Variants in KLF8 observed in about 807,000 individuals in gnomAD.
The protein encoded by KLF8 is KLF transcription factor 8, also known as Krueppel-like factor 8.
KLF8 carries 10 observed loss-of-function variants against 18.2 expected under a neutral mutation model. The observed-to-expected ratio is 0.55, with a 90% CI of 0.34 to 0.93. The LOEUF is 0.93. Among genes scored for constraint, KLF8 ranks in the 40% least tolerant of loss-of-function variants. The probability of loss-of-function intolerance (pLI) is 0.02; values close to 1 mark genes in which losing one functional copy is unlikely to be tolerated. For missense variants in KLF8, 264 were observed against 277.9 expected (o/e 0.95, Z 0.36); for synonymous variants, 109 against 97.3 (o/e 1.12, Z -0.71).
At chrX:55,942,472 A>G in the KLF8 span, among the ~76,000 whole-genome samples, 2 of 110,531 alleles carry the variant, frequency 1.8e-5, no homozygotes, top group Admixed American at 9.7e-5. Context: ...TACATATATA[A>G]CAAATCTGTA....
chrX:56,141,127 C>T, the KLF8 span, among the ~76,000 whole-genome samples: 1 of 111,367 alleles, frequency 9.0e-6, no homozygotes, highest in African/African-American at 3.3e-5. Context: ...CTACACCAGG[C>T]TAATTTTTTT....
At chrX:56,026,521 G>A in the KLF8 span, among the ~76,000 whole-genome samples, 2 of 111,738 alleles carry the variant, frequency 1.8e-5, no homozygotes, top group Non-Finnish European at 3.8e-5. Context: ...ACCATAGGAA[G>A]GGCCTGTATC....
the KLF8 span, among the ~76,000 whole-genome samples, chrX:56,095,931 A>G: frequency 8.9e-6 from 1 of 111,953 alleles, no homozygotes; most frequent in African/African-American, 3.2e-5. Flanking sequence ...TATTCTATTC[A>G]GCAATCACAT....
At chrX:56,186,396 A>G in the KLF8 span, among the ~76,000 whole-genome samples, 1 of 111,602 alleles carries the variant, frequency 9.0e-6, no homozygotes, top group African/African-American at 3.3e-5. Context: ...GTGACCTACA[A>G]AGAGACTTAG....
rs749373892 is a variant in KLF8, at chrX:56,265,442, C to T, written c.344C>T (p.Ser115Phe). The T allele has an allele frequency of 8.3e-7, 1 of 1,211,897 alleles. No homozygotes were observed. The highest frequency in any genetic ancestry group is 1.8e-5 in the South Asian group (1 of 56,994). ...CCAATACGTCCCCCCAAGCCACAGT[C>T]TTCTCCCCAGACCCTTGTGGTGTCC... ...QAPIRPPKPQ[S>F]SPQTLVVSTS... Residue 115 changes from serine (S) to phenylalanine (F), a missense_variant, in exon 3 of 6, where the codon TCT becomes TTT. Around this residue, in one of 2 missense-constraint regions of KLF8, gnomAD observed 221 missense variants for 193.6 expected, o/e 1.14. Coordinates refer to ENST00000468660, the MANE Select transcript of KLF8 (RefSeq NM_007250.5).
the KLF8 span, among the ~76,000 whole-genome samples, chrX:56,053,574 C>T: frequency 2.4e-5 from 2 of 84,213 alleles, no homozygotes; most frequent in Admixed American, 1.4e-4. Flanking sequence ...TAGTTTCAGC[C>T]GGAATGATAC....
the KLF8 span, among the ~76,000 whole-genome samples, chrX:55,944,358 G>A: frequency 1.0e-4 from 11 of 110,501 alleles, no homozygotes; most frequent in South Asian, 4.3e-3. Context: ...AATGAGTTAG[G>A]GAGGATTCCC....
At chrX:56,089,648 A>G in the KLF8 span, among the ~76,000 whole-genome samples, 77 of 112,522 alleles carry the variant, frequency 6.8e-4, 3 homozygotes, top group South Asian at 0.027. Flanking sequence ...ACAGGTGAAT[A>G]CAGAGAACCA....
the KLF8 span, among the ~76,000 whole-genome samples, chrX:55,979,145 C>T: frequency 8.9e-6 from 1 of 111,800 alleles, no homozygotes; most frequent in Non-Finnish European, 1.9e-5. Flanking sequence ...TTACTTTGGG[C>T]AGTTTCAGTT....
At chrX:56,092,748 T>C in the KLF8 span, among the ~76,000 whole-genome samples, 1 of 109,412 alleles carries the variant, frequency 9.1e-6, no homozygotes, top group African/African-American at 3.3e-5. Context: ...ATTGCTTTGG[T>C]TTAAGATAGC....
chrX:56,068,728 G>A, the KLF8 span, among the ~76,000 whole-genome samples: 1 of 111,554 alleles, frequency 9.0e-6, no homozygotes. Flanking sequence ...AGCCAGGCAA[G>A]CAATGCATGC....
At chrX:56,027,777 T>G in the KLF8 span, among the ~76,000 whole-genome samples, 1 of 112,752 alleles carries the variant, frequency 8.9e-6, no homozygotes, top group African/African-American at 3.2e-5. Context: ...TACACAGTTG[T>G]GTTCAACAGG....
At chrX:56,126,811 G>A in the KLF8 span, among the ~76,000 whole-genome samples, 3 of 96,964 alleles carry the variant, frequency 3.1e-5, no homozygotes, top group Admixed American at 2.4e-4. Flanking sequence ...GGAGTGCAAT[G>A]GCACGATCTT....
the KLF8 span, among the ~76,000 whole-genome samples, chrX:55,972,000 CTCCATAAAA>C: frequency 1.2e-4 from 13 of 110,281 alleles, no homozygotes; most frequent in African/African-American, 4.3e-4. Flanking sequence ...CCATTTGGTT[CTCCATAAAA>C]TCCATAAAAT....
chrX:56,004,519 T>C, the KLF8 span, among the ~76,000 whole-genome samples: 36 of 112,135 alleles, frequency 3.2e-4, 1 homozygote, highest in East Asian at 9.8e-3. Context: ...TCTGGAACTT[T>C]ATATGAGTAT....
chrX:56,068,183 G>C, the KLF8 span, among the ~76,000 whole-genome samples: 6 of 111,489 alleles, frequency 5.4e-5, no homozygotes, highest in Non-Finnish European at 1.1e-4. Context: ...TAGAGCTTCT[G>C]GCCTAGTGGT....
chrX:56,252,430 GGT>G (rs1445266126), intron 2 of KLF8, among the ~76,000 whole-genome samples: 9 of 111,795 alleles, frequency 8.1e-5, no homozygotes, highest in Non-Finnish European at 1.5e-4. Flanking sequence ...TGAGTTCAAT[GGT>G]TTCGATTTTT....
the KLF8 span, among the ~76,000 whole-genome samples, chrX:55,934,921 G>A: frequency 1.8e-5 from 2 of 111,446 alleles, no homozygotes; most frequent in African/African-American, 6.5e-5. Flanking sequence ...TTTTGTTGGA[G>A]TTAGGGTTAA....
At chrX:56,049,164 G>T in the KLF8 span, among the ~76,000 whole-genome samples, 6 of 111,431 alleles carry the variant, frequency 5.4e-5, no homozygotes, top group African/African-American at 9.8e-5. Context: ...AGGAGATTTT[G>T]GGCTGAGACG....
Sources: allele counts gnomAD v4.1 joint callset (sites outside exome capture counted in the v4.1 genomes callset), GRCh38; gene constraint gnomAD v4.1.1; regional missense constraint gnomAD v4.1.1; transcripts MANE v1.5; gene names NCBI Gene and HGNC (gene_info 2026-07-23, HGNC 2026-07-21).